ARFGEF3: variants seen among roughly 807,000 people sequenced by gnomAD.
The protein encoded by ARFGEF3 is brefeldin A-inhibited guanine nucleotide-exchange protein 3.
A neutral mutation model predicts 221.7 loss-of-function variants in ARFGEF3; 96 were observed. That is an observed-to-expected ratio of 0.43 (90% CI 0.37 to 0.51). The LOEUF (loss-of-function observed/expected upper bound fraction) is 0.51. Among genes scored for constraint, ARFGEF3 ranks in the 20% least tolerant of loss-of-function variants. The pLI is 0.00. For synonymous variants in ARFGEF3, 1,145 were observed against 1,126.8 expected (o/e 1.02, Z -0.32); for missense variants, 2,410 against 2,789.9 (o/e 0.86, Z 3.07).
Position 138,292,061 on chromosome 6 carries a change from G to C in ARFGEF3, c.3368+8G>C. The C allele has an allele frequency of 7.1e-7, 1 of 1,410,958 alleles. No individual in the cohort carries two copies. Among genetic ancestry groups the C allele is most frequent in the South Asian group, 1.5e-5 (1 of 65,818 alleles). 87.4% of individuals were successfully genotyped at this position (1,410,958 alleles called of 1,614,324 possible). On this transcript the variant is annotated splice_region_variant and intron_variant, in intron 19 of 33. Transcript: ENST00000251691. ...CTCCACGCAAGCCGACAGGTGCGCG[G>C]CGCCGGCCTCCCACGCCCCGGGAGC...
intron 1 of ARFGEF3, 68 bp from the exon 2 acceptor site, chr6:138,170,594 A>T (rs2114428836): frequency 1.2e-6 from 1 of 837,318 alleles, no homozygotes; most frequent in East Asian, 2.6e-5. Context: ...CTAACAGAGA[A>T]ATTCATGTAC....
At chr6:138,320,016 A>C in intron 28 of ARFGEF3, 137 bp downstream of exon 28, 1 of 731,966 alleles carries the variant, frequency 1.4e-6, no homozygotes, top group Non-Finnish European at 2.3e-6. Flanking sequence ...ATAGAACAAC[A>C]TGGTCAGTGC....
intron 2 of ARFGEF3, among the ~76,000 whole-genome samples, chr6:138,199,529 G>A (rs1777495576): frequency 6.6e-6 from 1 of 152,126 alleles, no homozygotes; most frequent in Non-Finnish European, 1.5e-5. Flanking sequence ...GTTTCCATTT[G>A]TTTGTGTCGT....
At chr6:138,264,298 A>G (rs571064656) in intron 12 of ARFGEF3, among the ~76,000 whole-genome samples, 3 of 152,356 alleles carry the variant, frequency 2.0e-5, no homozygotes, top group African/African-American at 4.8e-5. Context: ...AAGTAGTAGC[A>G]TTTCACATAG....
chr6:138,257,936 C>A (rs542192001), intron 10 of ARFGEF3, among the ~76,000 whole-genome samples: 2 of 152,308 alleles, frequency 1.3e-5, no homozygotes, highest in Non-Finnish European at 2.9e-5. Flanking sequence ...GTACTTATTG[C>A]TATTCTAAGG....
chr6:138,202,192 G>T (rs1777549540), intron 2 of ARFGEF3, among the ~76,000 whole-genome samples: 2 of 152,186 alleles, frequency 1.3e-5, no homozygotes, highest in African/African-American at 4.8e-5. Flanking sequence ...GTAATCGAAT[G>T]TTGGTTTTTG....
chr6:138,222,894 G>A (rs563171471), intron 4 of ARFGEF3, among the ~76,000 whole-genome samples: 130 of 152,126 alleles, frequency 8.5e-4, no homozygotes, highest in African/African-American at 2.8e-3. Flanking sequence ...TGAGTCTCCA[G>A]TGTCTATTAT....
intron 25 of ARFGEF3, 24 bp downstream of exon 25, chr6:138,311,534 T>C (rs908992971): frequency 6.5e-7 from 1 of 1,531,110 alleles, no homozygotes; most frequent in Non-Finnish European, 8.9e-7. Context: ...CCAGCTGGGC[T>C]CCCGGCCTGG....
At position 138,291,790 on chromosome 6, in the gene ARFGEF3, G is replaced by C; in HGVS notation, c.3105G>C (p.Gln1035His). ...EHNHFSDGASQPPLTISQPQK... is the reference protein window; with the variant it reads ...EHNHFSDGASHPPLTISQPQK... ...ACCACTTCAGCGATGGTGCCTCGCAGCCCCCTCTGACCATCAGCCAGCCCC... is the reference window on the plus strand; with the variant it reads ...ACCACTTCAGCGATGGTGCCTCGCACCCCCCTCTGACCATCAGCCAGCCCC... The change falls in exon 19 of 34, where the codon CAG becomes CAC. Residue 1035 changes from glutamine (Q) to histidine (H), a missense_variant. Gln to His is a conservative substitution (Grantham distance 24). Transcript: ENST00000251691. The surrounding 1 kb of genome is among the most constrained non-coding windows in gnomAD (Gnocchi z 4.5). 6.8e-7 allele frequency: 1 copy of C among 1,468,998 alleles called. No homozygotes were observed. Among genetic ancestry groups the C allele is most frequent in the Non-Finnish European group, 9.0e-7 (1 of 1,109,362 alleles). The allele number at this position is 1,468,998 out of a possible 1,614,324, so 91.0% of individuals were successfully genotyped here.
intron 2 of ARFGEF3, among the ~76,000 whole-genome samples, chr6:138,204,183 C>CA: frequency 6.6e-6 from 1 of 151,460 alleles, no homozygotes; most frequent in Non-Finnish European, 1.5e-5. Context: ...ACTAAAAATA[C>CA]AAAAAATTAG....
chr6:138,330,586 C>A (rs933110965), intron 32 of ARFGEF3, among the ~76,000 whole-genome samples: 4 of 152,298 alleles, frequency 2.6e-5, no homozygotes, highest in African/African-American at 9.6e-5. Context: ...AGGAGAATCG[C>A]TTGAACCCAG....
intron 27 of ARFGEF3, among the ~76,000 whole-genome samples, chr6:138,317,819 T>G (rs954980138): frequency 2.0e-5 from 3 of 152,166 alleles, no homozygotes. Flanking sequence ...TATGCGGTAT[T>G]AAGGCAGCAA....
intron 4 of ARFGEF3, among the ~76,000 whole-genome samples, chr6:138,228,154 C>A (rs556187582): frequency 6.6e-6 from 1 of 150,716 alleles, no homozygotes; most frequent in South Asian, 2.1e-4. Flanking sequence ...TTTTCTCAAT[C>A]GCCATGGCAC....
intron 1 of ARFGEF3, among the ~76,000 whole-genome samples, chr6:138,165,908 C>G (rs1187615082): frequency 6.6e-6 from 1 of 152,244 alleles, no homozygotes; most frequent in Non-Finnish European, 1.5e-5. Flanking sequence ...CCCTTGTTCT[C>G]TTTGTCCTGA....
intron 8 of ARFGEF3, among the ~76,000 whole-genome samples, chr6:138,251,256 G>C (rs1201416295): frequency 6.6e-6 from 1 of 152,186 alleles, no homozygotes; most frequent in Non-Finnish European, 1.5e-5. Flanking sequence ...CAGAAATTGA[G>C]AGTCTTTCCT....
In ARFGEF3 at chr6:138,321,126, G is replaced by A. The variant is rs1780019854; in HGVS notation, c.4667G>A (p.Ser1556Asn). Residue 1556 changes from serine to asparagine, a missense_variant, in exon 29 of 34, where the codon AGC (serine) becomes AAC (asparagine). Ser to Asn is a conservative substitution (Grantham distance 46, BLOSUM62 1). Around this residue, in one of 5 missense-constraint regions of ARFGEF3, gnomAD observed 723 missense variants for 991.9 expected, o/e 0.73. Transcript: ENST00000251691. ...SFLHSDIRYE[S>N]MINTMLKDLF... Reference sequence around the variant, plus strand: ...TTTCCCATAGATATCAGGTACGAGAGCATGATCAATACCATGCTGAAGGAC... The same window carrying A: ...TTTCCCATAGATATCAGGTACGAGAACATGATCAATACCATGCTGAAGGAC... The A allele has an allele frequency of 1.3e-6, 2 of 1,557,724 alleles. No homozygotes were observed. Among genetic ancestry groups the A allele is most frequent in the Non-Finnish European group, 1.7e-6 (2 of 1,148,970 alleles).
At position 138,265,029 on chromosome 6, in the gene ARFGEF3, A is replaced by G. The variant is rs1005956228; in HGVS notation, c.2128+1418A>G. 6.0e-5 allele frequency among the ~76,000 whole-genome samples: 9 copies of G among 150,910 alleles called. No homozygotes were observed. In the East Asian group the frequency reaches 7.8e-4, roughly 13 times the overall value. ...TGCCATTCTCCTGCCTCAGCCTCCC[A>G]AGTAGCTGGGACTACAGGCGCCCAC... On this transcript the variant is annotated intron_variant, in intron 12 of 33. Coordinates refer to ENST00000251691, the MANE Select transcript of ARFGEF3 (RefSeq NM_020340.5).
intron 2 of ARFGEF3, among the ~76,000 whole-genome samples, chr6:138,200,765 G>A (rs1777519681): frequency 6.6e-6 from 1 of 152,090 alleles, no homozygotes; most frequent in Admixed American, 6.5e-5. Flanking sequence ...ATAGGCTTAG[G>A]CAAGGATTTC....
At chr6:138,266,640 G>A (rs1193173868) in intron 12 of ARFGEF3, among the ~76,000 whole-genome samples, 2 of 152,046 alleles carry the variant, frequency 1.3e-5, no homozygotes, top group African/African-American at 4.8e-5. Flanking sequence ...ATGAGGTTAG[G>A]AGATCGAGAC....
Sources: allele counts gnomAD v4.1 joint callset (sites outside exome capture counted in the v4.1 genomes callset), GRCh38; gene constraint gnomAD v4.1.1; regional missense constraint gnomAD v4.1.1; non-coding constraint Gnocchi (gnomAD v3.1); transcripts MANE v1.5; gene names NCBI Gene and HGNC (gene_info 2026-07-23, HGNC 2026-07-21).